MGAT5: variants seen among roughly 807,000 people sequenced by gnomAD.
The protein encoded by MGAT5 is alpha-1,6-mannosylglycoprotein 6-beta-N-acetylglucosaminyltransferase A.
A neutral mutation model predicts 94.3 loss-of-function variants in MGAT5; 30 were observed. The observed-to-expected ratio is 0.32, with a 90% confidence interval of 0.24 to 0.43. MGAT5 has a LOEUF of 0.43. MGAT5 is among the 20% of genes least tolerant of loss of function. MGAT5 has a pLI of 1.00. For missense variants in MGAT5, 691 were observed against 905.5 expected, an observed-to-expected ratio of 0.76 and a Z score of 3.04; for synonymous variants, 310 against 322.9, an observed-to-expected ratio of 0.96 and a Z score of 0.43.
chr2:134,440,369 C>T (rs1241217476), intron 14 of MGAT5, among the ~76,000 whole-genome samples: 3 of 152,190 alleles, frequency 2.0e-5, no homozygotes, highest in Non-Finnish European at 2.9e-5. Flanking sequence ...TGTGTGGAGT[C>T]AGCCCATTCT....
In MGAT5 at chr2:134,422,833, T is replaced by G; in HGVS notation, c.1708T>G (p.Phe570Val). The G allele has an allele frequency of 1.9e-6, 3 of 1,613,930 alleles. No homozygotes were observed. Among genetic ancestry groups the G allele is most frequent in the Non-Finnish European group, 2.5e-6 (3 of 1,179,836 alleles). The change falls in exon 13 of 16, where the codon TTC (phenylalanine) becomes GTC (valine). Residue 570 changes from phenylalanine (F) to valine (V), a missense_variant. Phe to Val is a conservative substitution (Grantham distance 50). This residue lies in a region of MGAT5 where 260 missense variants were observed against 347.0 expected (regional missense o/e 0.75). Transcript: ENST00000281923. ...ATCCCAGCATCCTTACGCTGAAGTTTTCATCGGGCGGCCACATGTGTGGAC... is the reference window on the plus strand; with the variant it reads ...ATCCCAGCATCCTTACGCTGAAGTTGTCATCGGGCGGCCACATGTGTGGAC... Reference protein sequence around the residue: ...LTSQHPYAEVFIGRPHVWTVD... With the variant: ...LTSQHPYAEVVIGRPHVWTVD...
intron 1 of MGAT5, among the ~76,000 whole-genome samples, chr2:134,202,292 A>G (rs1679826324): frequency 6.6e-6 from 1 of 152,226 alleles, no homozygotes. Context: ...CTCTGATTAA[A>G]TCAGAGGGAG....
intron 2 of MGAT5, among the ~76,000 whole-genome samples, chr2:134,276,694 A>T (rs1252545032): frequency 6.6e-6 from 1 of 152,198 alleles, no homozygotes; most frequent in Non-Finnish European, 1.5e-5. Flanking sequence ...GGTTTAAAGT[A>T]GGAGGATGAA....
At chr2:134,235,730 T>G (rs926659811) in intron 1 of MGAT5, among the ~76,000 whole-genome samples, 2 of 148,998 alleles carry the variant, frequency 1.3e-5, no homozygotes, top group African/African-American at 5.0e-5. Flanking sequence ...TAATAGGGGT[T>G]TTTTTTTTTT....
intron 10 of MGAT5, among the ~76,000 whole-genome samples, chr2:134,382,934 G>A (rs982295209): frequency 6.6e-6 from 1 of 152,278 alleles, no homozygotes; most frequent in Admixed American, 6.5e-5. Flanking sequence ...ATAAACTGAT[G>A]AAATATAAAT....
Position 134,398,472 on chromosome 2 carries a change from G to A in MGAT5, c.1381-4516G>A, listed in dbSNP as rs552410471. ...TTAATGACAGGTCATAAGGTGCTGC[G>A]TGAATGAGGGGAACTGACGTCCAGG... On this transcript the variant is annotated intron_variant, in intron 10 of 15. Coordinates refer to ENST00000281923, the MANE Select transcript of MGAT5 (RefSeq NM_002410.5). Among the ~76,000 whole-genome samples, 6 of 152,286 alleles carry A rather than the reference G, an allele frequency of 3.9e-5. No homozygotes were observed. In the South Asian group the frequency reaches 1.2e-3, roughly 32 times the overall value.
intron 1 of MGAT5, among the ~76,000 whole-genome samples, chr2:134,203,027 AT>A (rs1257079764): frequency 1.3e-5 from 2 of 152,198 alleles, no homozygotes; most frequent in Non-Finnish European, 2.9e-5. Context: ...CAAATACAGG[AT>A]TTATTTGGTG....
At chr2:134,208,631 A>G (rs1212629224) in intron 1 of MGAT5, among the ~76,000 whole-genome samples, 1 of 152,232 alleles carries the variant, frequency 6.6e-6, no homozygotes, top group Non-Finnish European at 1.5e-5. Flanking sequence ...ATAGATGCAT[A>G]TGTATACCAG....
intron 2 of MGAT5, among the ~76,000 whole-genome samples, chr2:134,300,461 G>A (rs1685947520): frequency 6.8e-6 from 1 of 146,984 alleles, no homozygotes; most frequent in African/African-American, 2.7e-5. Flanking sequence ...ATGGAGTAAA[G>A]GCTGTTTTTT....
chr2:134,192,031 T>C (rs373582445), intron 1 of MGAT5, among the ~76,000 whole-genome samples: 2 of 147,874 alleles, frequency 1.4e-5, no homozygotes, highest in Non-Finnish European at 3.0e-5. Flanking sequence ...GGGTTCCTGA[T>C]TGAAGGGTGG....
At chr2:134,237,150 C>CAT (rs1681691145) in intron 1 of MGAT5, among the ~76,000 whole-genome samples, 1 of 39,934 alleles carries the variant, frequency 2.5e-5, no homozygotes. Context: ...TGTGTGTGTG[C>CAT]GCGTGTGTGT....
chr2:134,153,690 G>C (rs541377610), intron 1 of MGAT5, among the ~76,000 whole-genome samples: 1 of 152,088 alleles, frequency 6.6e-6, no homozygotes, highest in South Asian at 2.1e-4. Context: ...GGAGTTTTCT[G>C]TATTGCCTGC....
Position 134,341,748 on chromosome 2 carries a change from T to C in MGAT5, c.966T>C (p.Ala322=), listed in dbSNP as rs142227919. 1.2e-4 allele frequency: 200 copies of C among 1,610,530 alleles called. No individual in the cohort carries two copies. In the African/African-American group the frequency reaches 2.4e-3, roughly 19 times the overall value. The stretch of plus-strand genomic sequence containing the variant: ...ACATTAGGATTTCAGCTTCACTGGC[T>C]GAGCTCAAGGAGTAAGGAGATTACT... The part of the protein sequence containing the change: ...GHDIRISASL[A]ELKEIMKKVV... The change falls in exon 7 of 16, where the codon GCT becomes GCC. Residue 322 remains alanine (A), a synonymous_variant. Transcript: ENST00000281923.
At chr2:134,181,425 T>C (rs1011263019) in intron 1 of MGAT5, among the ~76,000 whole-genome samples, 1 of 152,228 alleles carries the variant, frequency 6.6e-6, no homozygotes, top group Admixed American at 6.5e-5. Flanking sequence ...GAGGTTTTTG[T>C]TGGTGTGGTT....
At chr2:134,361,578 G>A (rs1250186825) in intron 9 of MGAT5, among the ~76,000 whole-genome samples, 1 of 152,194 alleles carries the variant, frequency 6.6e-6, no homozygotes, top group African/African-American at 2.4e-5. Context: ...GAACCCAAAT[G>A]AGAGAAATCC....
chr2:134,285,059 G>A (rs975427196), intron 2 of MGAT5, among the ~76,000 whole-genome samples: 3 of 151,870 alleles, frequency 2.0e-5, no homozygotes, highest in South Asian at 4.1e-4. Flanking sequence ...CTTCTTTACC[G>A]TTATATATTT....
intron 14 of MGAT5, among the ~76,000 whole-genome samples, chr2:134,430,543 G>A (rs927664135): frequency 2.6e-5 from 4 of 152,136 alleles, no homozygotes; most frequent in Non-Finnish European, 4.4e-5. Flanking sequence ...AGGAAGGGAG[G>A]GTGAGTGTGC....
intron 1 of MGAT5, among the ~76,000 whole-genome samples, chr2:134,144,429 C>T (rs1050569336): frequency 6.6e-6 from 1 of 152,124 alleles, no homozygotes; most frequent in Non-Finnish European, 1.5e-5. Context: ...AGAATAGCAC[C>T]TAGGGGATGG....
intron 10 of MGAT5, among the ~76,000 whole-genome samples, chr2:134,396,503 G>A (rs190573806): frequency 4.3e-4 from 66 of 152,282 alleles, no homozygotes; most frequent in African/African-American, 1.5e-3. Flanking sequence ...AATATAAAAA[G>A]GAGGATGAAT....
Sources: gnomAD v4.1 joint callset for allele counts (sites outside exome capture counted in the v4.1 genomes callset) on GRCh38, gnomAD v4.1.1 for gene constraint, gnomAD v4.1.1 regional missense constraint, MANE v1.5 for transcripts, NCBI Gene and HGNC (gene_info 2026-07-23, HGNC 2026-07-21) for gene names.